Variants in LRRTM4 observed in about 807,000 individuals in gnomAD.
The protein encoded by LRRTM4 is leucine-rich repeat transmembrane neuronal protein 4.
LRRTM4 carries 25 observed loss-of-function variants against 47.6 expected under a neutral mutation model. The observed-to-expected ratio is 0.53, with a 90% confidence interval of 0.38 to 0.73. LRRTM4 has a LOEUF of 0.73. LRRTM4 is among the 30% of genes least tolerant of loss of function. The pLI is 0.00. For missense variants in LRRTM4, 638 were observed against 713.4 expected (o/e 0.89, Z 1.20); for synonymous variants, 311 against 269.5 (o/e 1.15, Z -1.51).
At chr2:77,484,355 C>T (rs928502778) in intron 3 of LRRTM4, among the ~76,000 whole-genome samples, 5 of 152,110 alleles carry the variant, frequency 3.3e-5, no homozygotes, top group East Asian at 1.9e-4. Context: ...CCTTTCTCTG[C>T]CCTATCATGG....
At chr2:77,208,519 T>C (rs988708498) in intron 3 of LRRTM4, among the ~76,000 whole-genome samples, 2 of 152,116 alleles carry the variant, frequency 1.3e-5, no homozygotes, top group African/African-American at 4.8e-5. Flanking sequence ...GGGAAGCCTG[T>C]GGGTGGAGGC....
chr2:76,985,977 C>T (rs7563917), intron 3 of LRRTM4: 86,506 of 151,862 alleles, frequency 0.57, 26,707 homozygotes, highest in African/African-American at 0.8. Flanking sequence ...TTCACAATCT[C>T]TCACTTGGCT....
intron 3 of LRRTM4, among the ~76,000 whole-genome samples, chr2:76,880,910 T>C (rs891636452): frequency 2.6e-5 from 4 of 152,128 alleles, no homozygotes; most frequent in African/African-American, 9.7e-5. Flanking sequence ...ATAATCAGTT[T>C]TAAAAGTAGT....
intron 3 of LRRTM4, among the ~76,000 whole-genome samples, chr2:77,033,051 A>G (rs1262950910): frequency 1.3e-5 from 2 of 152,112 alleles, no homozygotes; most frequent in Non-Finnish European, 2.9e-5. Flanking sequence ...CGGGACAATC[A>G]CAATCAATGG....
intron 3 of LRRTM4, among the ~76,000 whole-genome samples, chr2:76,939,879 G>T (rs545831197): frequency 6.6e-6 from 1 of 152,136 alleles, no homozygotes; most frequent in Non-Finnish European, 1.5e-5. Flanking sequence ...GATTATTCTT[G>T]CTTGATACCA....
intron 3 of LRRTM4, among the ~76,000 whole-genome samples, chr2:77,026,586 C>T (rs954166375): frequency 6.6e-6 from 1 of 151,950 alleles, no homozygotes; most frequent in Admixed American, 6.6e-5. Flanking sequence ...TATCAGATTC[C>T]ATTTTAATTT....
At chr2:77,463,176 C>T (rs1041843952) in intron 3 of LRRTM4, among the ~76,000 whole-genome samples, 2 of 151,952 alleles carry the variant, frequency 1.3e-5, no homozygotes, top group African/African-American at 4.8e-5. Flanking sequence ...TTCAAGGCTA[C>T]AAACCTGTAC....
chr2:77,251,207 ATG>A (rs1227892816), intron 3 of LRRTM4, among the ~76,000 whole-genome samples: 1 of 36,356 alleles, frequency 2.8e-5, no homozygotes, highest in Non-Finnish European at 5.8e-5. Flanking sequence ...ACACATATAT[ATG>A]TATATATGTG....
intron 3 of LRRTM4, among the ~76,000 whole-genome samples, chr2:77,063,166 G>A (rs1321544480): frequency 6.6e-6 from 1 of 151,750 alleles, no homozygotes; most frequent in Non-Finnish European, 1.5e-5. Flanking sequence ...CACCATATTG[G>A]CCAGGCTGGT....
At chr2:77,241,679 G>A (rs1399936046) in intron 3 of LRRTM4, among the ~76,000 whole-genome samples, 6 of 151,978 alleles carry the variant, frequency 3.9e-5, no homozygotes, top group Admixed American at 3.3e-4. Context: ...CACAGATAAG[G>A]GGATTAGCAA....
At chr2:76,910,849 A>G (rs1674028813) in intron 3 of LRRTM4, among the ~76,000 whole-genome samples, 1 of 152,164 alleles carries the variant, frequency 6.6e-6, no homozygotes, top group African/African-American at 2.4e-5. Flanking sequence ...ATTAGAGCCT[A>G]TCTGTCTTTT....
chr2:77,131,999 G>A (rs1406780336), intron 3 of LRRTM4, among the ~76,000 whole-genome samples: 2 of 152,122 alleles, frequency 1.3e-5, no homozygotes, highest in African/African-American at 2.4e-5. Flanking sequence ...TCATTTCTGT[G>A]TGTTGGGAAT....
intron 3 of LRRTM4, among the ~76,000 whole-genome samples, chr2:77,141,065 A>G (rs904746829): frequency 2.6e-5 from 4 of 152,078 alleles, no homozygotes; most frequent in African/African-American, 7.2e-5. Context: ...ACAGTGTGGC[A>G]ATTCCTCAAG....
intron 3 of LRRTM4, among the ~76,000 whole-genome samples, chr2:77,166,396 A>T (rs1672886620): frequency 6.6e-6 from 1 of 152,202 alleles, no homozygotes; most frequent in South Asian, 2.1e-4. Context: ...ATAATTATAG[A>T]TTCAATGTCA....
chr2:76,754,179 C>A (rs1242077904), intron 3 of LRRTM4, among the ~76,000 whole-genome samples: 2 of 152,144 alleles, frequency 1.3e-5, no homozygotes, highest in African/African-American at 4.8e-5. Context: ...AAGATAGACA[C>A]TTCACTTATT....
Position 76,797,916 on chromosome 2 carries a change from C to G in LRRTM4, c.1552-49000G>C, listed in dbSNP as rs563755495. 7.9e-3 allele frequency among the ~76,000 whole-genome samples: 1,190 copies of G among 151,362 alleles called. 8 individuals carry two copies. Among genetic ancestry groups the G allele is most frequent in the Non-Finnish European group, 0.011 (768 of 67,788 alleles). The stretch of plus-strand genomic sequence containing the variant: ...GGATCAATTCAACAAGAAGAGCTAA[C>G]TATCCTAAATATATATGCACCCAAT... On this transcript the variant is annotated intron_variant, in intron 3 of 3. Coordinates refer to ENST00000409884, the MANE Select transcript of LRRTM4 (RefSeq NM_001134745.3).
chr2:76,849,037 C>T (rs1013007961), intron 3 of LRRTM4, among the ~76,000 whole-genome samples: 2 of 152,016 alleles, frequency 1.3e-5, no homozygotes, highest in Non-Finnish European at 2.9e-5. Flanking sequence ...CTTTTTCTTT[C>T]TCTCCCCCTA....
intron 3 of LRRTM4, among the ~76,000 whole-genome samples, chr2:77,312,806 G>C (rs1195723496): frequency 6.6e-6 from 1 of 152,162 alleles, no homozygotes; most frequent in East Asian, 1.9e-4. Flanking sequence ...TTATGATAGA[G>C]ATTTGGTATA....
intron 3 of LRRTM4, among the ~76,000 whole-genome samples, chr2:77,396,672 G>A (rs1436704949): frequency 3.9e-5 from 6 of 151,956 alleles, no homozygotes; most frequent in Admixed American, 2.0e-4. Flanking sequence ...TTTCAACCAC[G>A]TAGTAGACAG....
Sources: gnomAD v4.1 joint callset for allele counts (sites outside exome capture counted in the v4.1 genomes callset) on GRCh38, gnomAD v4.1.1 for gene constraint, MANE v1.5 for transcripts, NCBI Gene and HGNC (gene_info 2026-07-23, HGNC 2026-07-21) for gene names.